ZFHX3: variants seen among roughly 807,000 people sequenced by gnomAD.
ZFHX3 encodes zinc finger homeobox 3.
In ZFHX3, 42 loss-of-function variants were observed where a neutral mutation model predicts 279.1. The ratio of observed to expected loss-of-function variants is 0.15; its 90% CI spans 0.12 to 0.19. The LOEUF is 0.19. Among genes scored for constraint, ZFHX3 ranks in the 10% least tolerant of loss-of-function variants. The pLI is 1.00. For missense variants in ZFHX3, 4,981 were observed against 4,754.0 expected (o/e 1.05, Z -1.40); for synonymous variants, 2,293 against 1,957.8 (o/e 1.17, Z -4.52).
chr16:73,053,380 G>C (rs747605483), intron 1 of ZFHX3, among the ~76,000 whole-genome samples: 11 of 152,126 alleles, frequency 7.2e-5, no homozygotes, highest in South Asian at 2.1e-4. Context: ...GCAAGGCCTT[G>C]AAACACTTTC....
intron 2 of ZFHX3, among the ~76,000 whole-genome samples, chr16:73,601,224 G>T (rs1038194597): frequency 1.3e-5 from 2 of 151,224 alleles, no homozygotes; most frequent in Non-Finnish European, 2.9e-5. Flanking sequence ...AGGCTGAAGC[G>T]GGTGGATCAC....
At position 73,702,324 on chromosome 16, in the gene ZFHX3, G is replaced by T. The variant is rs556912162; in HGVS notation, c.-1607-22084C>A. On this transcript the variant is annotated intron_variant, in intron 1 of 17. Coordinates refer to the ZFHX3 transcript ENST00000641206. ...GGGCTGCCTGGGGGCTGCAGGTGTG[G>T]GGACATTTGATTGGCAGCATCAGCA... Among the ~76,000 whole-genome samples the T allele has an allele frequency of 2.0e-5, 3 of 151,992 alleles. No individual in the cohort carries two copies. In the East Asian group the frequency reaches 5.8e-4, roughly 29 times the overall value.
chr16:72,933,161 C>T (rs1380634099), intron 3 of ZFHX3, among the ~76,000 whole-genome samples: 1 of 152,206 alleles, frequency 6.6e-6, no homozygotes, highest in Non-Finnish European at 1.5e-5. Context: ...ATGGTCAGAT[C>T]CCATTAGATT....
intron 2 of ZFHX3, among the ~76,000 whole-genome samples, chr16:73,654,854 C>CTTT (rs1382941693): frequency 4.5e-3 from 288 of 64,142 alleles, no homozygotes; most frequent in Non-Finnish European, 5.4e-3. Flanking sequence ...ATAGTAATCA[C>CTTT]TTTTTTTTTT....
At chr16:73,716,997 T>C (rs960641415) in intron 1 of ZFHX3, among the ~76,000 whole-genome samples, 1 of 152,116 alleles carries the variant, frequency 6.6e-6, no homozygotes, top group African/African-American at 2.4e-5. Flanking sequence ...TGAAAGAATG[T>C]TCACATCCTT....
chr16:72,867,975 T>A (rs4788668), intron 4 of ZFHX3, among the ~76,000 whole-genome samples: 77,477 of 151,986 alleles, frequency 0.51, 20,588 homozygotes, highest in Middle Eastern at 0.61. Context: ...CAAGGAAGCA[T>A]GGAACTAACT....
At chr16:73,161,542 G>A (rs560420497) in intron 5 of ZFHX3, among the ~76,000 whole-genome samples, 2 of 152,308 alleles carry the variant, frequency 1.3e-5, no homozygotes, top group East Asian at 3.9e-4. Flanking sequence ...GTGCTCAGTA[G>A]ACATTTGGCA....
chr16:73,145,095 C>T (rs1966857402), intron 5 of ZFHX3, among the ~76,000 whole-genome samples: 6 of 152,232 alleles, frequency 3.9e-5, no homozygotes, highest in Admixed American at 3.9e-4. Context: ...GTACATCGTC[C>T]TGTGGTGACA....
intron 1 of ZFHX3, 52 bp from the exon 2 acceptor site, chr16:72,960,246 A>AT (rs1204476817): frequency 7.0e-7 from 1 of 1,428,656 alleles, no homozygotes; most frequent in African/African-American, 1.4e-5. Flanking sequence ...AGAGAGAGAG[A>AT]AAGGAAAGAG....
chr16:73,212,574 T>C (rs756067307), intron 5 of ZFHX3, among the ~76,000 whole-genome samples: 17 of 152,242 alleles, frequency 1.1e-4, no homozygotes, highest in Non-Finnish European at 2.1e-4. Context: ...CATACTGATA[T>C]GTTGCAAATG....
At chr16:73,800,103 T>C (rs772740141) in intron 1 of ZFHX3, among the ~76,000 whole-genome samples, 2 of 152,190 alleles carry the variant, frequency 1.3e-5, no homozygotes, top group Non-Finnish European at 2.9e-5. Flanking sequence ...CAATGACTTC[T>C]ATAGAAATCA....
intron 1 of ZFHX3, among the ~76,000 whole-genome samples, chr16:73,816,633 G>T (rs192821821): frequency 1.7e-3 from 256 of 152,284 alleles, no homozygotes; most frequent in Non-Finnish European, 2.6e-3. Flanking sequence ...AAGAGATGGG[G>T]GGGGAGAGAA....
Position 73,028,081 on chromosome 16 carries a change from G to A in ZFHX3, c.-50+19671C>T, listed in dbSNP as rs1161317092. Among the ~76,000 whole-genome samples the A allele has an allele frequency of 3.3e-5, 5 of 152,158 alleles. No homozygotes were observed. In the East Asian group the frequency reaches 9.7e-4, roughly 29 times the overall value. On this transcript the variant is annotated intron_variant, in intron 1 of 9. Coordinates refer to ENST00000268489, the MANE Select transcript of ZFHX3 (RefSeq NM_006885.4). ...CACCGAGACAGTGGGTCGGGTCAGG[G>A]CAGGGCAGGATAGGACACGGCCCCT...
intron 5 of ZFHX3, among the ~76,000 whole-genome samples, chr16:73,204,254 T>G (rs1010039426): frequency 1.3e-5 from 2 of 150,904 alleles, no homozygotes; most frequent in African/African-American, 4.9e-5. Flanking sequence ...GCACTTTATT[T>G]CTATTATTAT....
chr16:72,945,438 A>T (rs999689975), intron 3 of ZFHX3, among the ~76,000 whole-genome samples: 4 of 152,204 alleles, frequency 2.6e-5, no homozygotes, highest in African/African-American at 7.2e-5. Flanking sequence ...GCCCAGCTGC[A>T]GAGACCCACG....
intron 1 of ZFHX3, among the ~76,000 whole-genome samples, chr16:73,770,802 C>T (rs16972539): frequency 0.17 from 25,442 of 152,172 alleles, 2,460 homozygotes; most frequent in East Asian, 0.42. Context: ...CTGTATCTGA[C>T]GCATATTTCA....
Position 73,337,897 on chromosome 16 carries a change from G to GT in ZFHX3, c.-1290-19562_-1290-19561insA, listed in dbSNP as rs947571193. On this transcript the variant is annotated intron_variant, in intron 3 of 17. Coordinates refer to the ZFHX3 transcript ENST00000641206. ...AAGTCTTCATCTTCCCTTGGCGGGG[G>GT]GGGGGGTCCTCATCCCCTTTTTATG... 2.8e-5 allele frequency among the ~76,000 whole-genome samples: 4 copies of GT among 140,744 alleles called. 1 individual carries two copies. Among genetic ancestry groups the GT allele is most frequent in the Admixed American group, 7.2e-5 (1 of 13,834 alleles). The allele number at this position is 140,744 out of a possible 152,430, so 92.3% of individuals were successfully genotyped here. A position where few individuals can be genotyped will look rare whatever the true frequency, so the allele number is the denominator to read the frequency against.
chr16:73,650,575 AT>A (rs1337481909), intron 2 of ZFHX3, among the ~76,000 whole-genome samples: 2 of 152,182 alleles, frequency 1.3e-5, no homozygotes, highest in Non-Finnish European at 2.9e-5. Flanking sequence ...ATTCTAATTT[AT>A]TTTTACCAAT....
chr16:72,790,172 C>T (rs918863416), intron 9 of ZFHX3: 2 of 152,448 alleles, frequency 1.3e-5, no homozygotes, highest in African/African-American at 2.4e-5. Flanking sequence ...GTACTCCAAG[C>T]TTCAGGTGTG....
Sources: gnomAD v4.1 joint callset for allele counts (sites outside exome capture counted in the v4.1 genomes callset) on GRCh38, gnomAD v4.1.1 for gene constraint, MANE v1.5 for transcripts, NCBI Gene and HGNC (gene_info 2026-07-23, HGNC 2026-07-21) for gene names.